Variants in NFYC observed in about 807,000 individuals in gnomAD.
NFYC encodes CAAT box DNA-binding protein subunit C.
Under a neutral mutation model 53.1 loss-of-function variants are expected in NFYC, and 25 were observed. The observed-to-expected ratio is 0.47, with a 90% CI of 0.34 to 0.66. The LOEUF (loss-of-function observed/expected upper bound fraction) is 0.66. Ranked by LOEUF, NFYC falls within the 30% of genes least tolerant of loss-of-function variation. The pLI, the probability that NFYC is intolerant of heterozygous loss-of-function variation, is 0.01. For synonymous variants in NFYC, 145 were observed against 152.6 expected (o/e 0.95, Z 0.37); for missense variants, 260 against 422.7 (o/e 0.62, Z 3.38).
At chr1:40,722,828 C>T (rs778589443) in intron 1 of NFYC, among the ~76,000 whole-genome samples, 5 of 152,236 alleles carry the variant, frequency 3.3e-5, no homozygotes, top group Non-Finnish European at 4.4e-5. Context: ...GTGCCCCCAA[C>T]TGTTCGCAGC....
At chr1:40,730,458 C>T (rs929455702) in intron 1 of NFYC, 77 of 560,106 alleles carry the variant, frequency 1.4e-4, no homozygotes, top group Admixed American at 1.9e-4. Context: ...TAGGGAGGCC[C>T]GAGGTGGGAA....
intron 1 of NFYC, among the ~76,000 whole-genome samples, chr1:40,731,825 G>C (rs1319181058): frequency 6.6e-6 from 1 of 152,138 alleles, no homozygotes; most frequent in Non-Finnish European, 1.5e-5. Flanking sequence ...TGTATGTATA[G>C]TTCATACTTA....
chr1:40,739,014 C>A (rs932614340), intron 2 of NFYC, 66 bp downstream of exon 2: 2 of 1,142,030 alleles, frequency 1.8e-6, no homozygotes, highest in African/African-American at 1.5e-5. Context: ...GGGAAATTAA[C>A]CAAAACTCAG....
chr1:40,695,593 G>C (rs1481896281), intron 1 of NFYC: 1 of 152,022 alleles, frequency 6.6e-6, no homozygotes, highest in South Asian at 2.1e-4. Context: ...GCTAATTTTT[G>C]TATTTTTAGT....
chr1:40,724,459 G>A (rs928950718), intron 1 of NFYC, among the ~76,000 whole-genome samples: 1 of 152,236 alleles, frequency 6.6e-6, no homozygotes, highest in Non-Finnish European at 1.5e-5. Context: ...TGTGGCCTAT[G>A]AGCTGTAGTT....
chr1:40,761,917 C>G (rs751469765), intron 6 of NFYC, among the ~76,000 whole-genome samples: 1 of 152,084 alleles, frequency 6.6e-6, no homozygotes, highest in African/African-American at 2.4e-5. Flanking sequence ...CCACCCACGC[C>G]CACACCCCCG....
At position 40,749,229 on chromosome 1, in the gene NFYC, G is replaced by A. The variant is rs554900029; in HGVS notation, c.178-344G>A. Among the ~76,000 whole-genome samples, 30 of 152,170 alleles carry A rather than the reference G, an allele frequency of 2.0e-4. 1 individual carries two copies. The South Asian group carries it at 5.8e-3, about 29-fold the overall frequency. The stretch of plus-strand genomic sequence containing the variant: ...CAAGCTCATTCTCCTTCCTCATATT[G>A]TTTCTCCTTGGATTAGAACCTAAAC... On this transcript the variant is annotated intron_variant, in intron 3 of 9. Transcript: ENST00000447388.
chr1:40,765,778 C>T (rs1364539367), intron 7 of NFYC, among the ~76,000 whole-genome samples: 1 of 152,192 alleles, frequency 6.6e-6, no homozygotes, highest in Non-Finnish European at 1.5e-5. Context: ...GTCCTCTTTT[C>T]ATCCCCAGCT....
intron 7 of NFYC, among the ~76,000 whole-genome samples, chr1:40,764,765 C>T (rs1029259212): frequency 6.6e-6 from 1 of 152,138 alleles, no homozygotes; most frequent in Admixed American, 6.6e-5. Context: ...CTTATTTTCT[C>T]TGTAATTAAT....
chr1:40,696,460 G>C (rs993869826), intron 1 of NFYC, among the ~76,000 whole-genome samples: 1 of 152,194 alleles, frequency 6.6e-6, no homozygotes, highest in African/African-American at 2.4e-5. Context: ...TCTTTCAGGC[G>C]TGTCCTTTGT....
At chr1:40,733,248 G>A (rs1348053317) in intron 1 of NFYC, among the ~76,000 whole-genome samples, 3 of 151,976 alleles carry the variant, frequency 2.0e-5, no homozygotes, top group African/African-American at 7.2e-5. Context: ...GTAATGTGGT[G>A]AGGACAGAAA....
chr1:40,761,412 C>T (rs1324821982), intron 6 of NFYC, among the ~76,000 whole-genome samples: 1 of 152,072 alleles, frequency 6.6e-6, no homozygotes, highest in Non-Finnish European at 1.5e-5. Flanking sequence ...AAATATCCTT[C>T]GTAGGACAGA....
intron 1 of NFYC, among the ~76,000 whole-genome samples, chr1:40,721,183 G>A (rs975167465): frequency 2.0e-5 from 3 of 152,208 alleles, no homozygotes; most frequent in South Asian, 4.1e-4. Flanking sequence ...TCACTGATTA[G>A]TGAATGTGTA....
intron 1 of NFYC, among the ~76,000 whole-genome samples, chr1:40,705,048 T>C (rs553077210): frequency 1.3e-5 from 2 of 152,374 alleles, no homozygotes; most frequent in Admixed American, 1.3e-4. Flanking sequence ...TCAGGCATAG[T>C]ACAATATGCT....
In NFYC at chr1:40,770,051, A is replaced by C. The variant is rs1235633694; in HGVS notation, c.888+636A>C. On this transcript the variant is annotated intron_variant, in intron 9 of 9. Coordinates refer to ENST00000447388, the MANE Select transcript of NFYC (RefSeq NM_014223.5). This position sits in a 1 kb window ranked among gnomAD's most constrained non-coding sequence, Gnocchi z 5.3. The stretch of plus-strand genomic sequence containing the variant: ...TGCCAGCACCACATGCTAGGCTTAC[A>C]TGCCAGGGCTCCCATGAGGGCTTGG... Among the ~76,000 whole-genome samples, 3 of 152,186 alleles carry C rather than the reference A, an allele frequency of 2.0e-5. No individual in the cohort carries two copies. The highest frequency in any genetic ancestry group is 4.4e-5 in the Non-Finnish European group (3 of 68,024).
Position 40,749,844 on chromosome 1 carries a change from G to C in NFYC, c.291+158G>C, listed in dbSNP as rs145953306. Among the ~76,000 whole-genome samples, 314 of 152,256 alleles carry C rather than the reference G, an allele frequency of 2.1e-3. 2 individuals carry two copies. The highest frequency in any genetic ancestry group is 7.1e-3 in the African/African-American group (294 of 41,544). ...TCCTTTAGGCCTCTATCAAGCTGACGTGTCATTGGCATCACCACTGTTGGG... is the reference window on the plus strand; with the variant it reads ...TCCTTTAGGCCTCTATCAAGCTGACCTGTCATTGGCATCACCACTGTTGGG... On this transcript the variant is annotated intron_variant, in intron 4 of 9. Coordinates refer to ENST00000447388, the MANE Select transcript of NFYC (RefSeq NM_014223.5).
intron 6 of NFYC, 144 bp downstream of exon 6, chr1:40,758,438 A>G (rs1362141737): frequency 2.2e-6 from 2 of 897,220 alleles, no homozygotes; most frequent in Non-Finnish European, 3.3e-6. Flanking sequence ...TTTTCCCCAG[A>G]TTCAGCTACT....
chr1:40,713,990 T>C (rs566574463), intron 1 of NFYC, among the ~76,000 whole-genome samples: 1 of 152,306 alleles, frequency 6.6e-6, no homozygotes, highest in African/African-American at 2.4e-5. Flanking sequence ...GTTAGTTGCT[T>C]ATTCAGAAAG....
chr1:40,739,598 C>T (rs968345834), intron 2 of NFYC, among the ~76,000 whole-genome samples: 1 of 152,146 alleles, frequency 6.6e-6, no homozygotes, highest in Non-Finnish European at 1.5e-5. Flanking sequence ...GGGCAAAAAT[C>T]ATCCCTTGTT....
Sources: gnomAD v4.1 joint callset for allele counts (sites outside exome capture counted in the v4.1 genomes callset) on GRCh38, gnomAD v4.1.1 for gene constraint, Gnocchi (gnomAD v3.1) non-coding constraint, MANE v1.5 for transcripts, NCBI Gene and HGNC (gene_info 2026-07-23, HGNC 2026-07-21) for gene names.